Variants in BICD1 observed in about 807,000 individuals in gnomAD.
BICD1 encodes BICD cargo adaptor 1, also known as protein bicaudal D homolog 1.
BICD1 carries 35 observed loss-of-function variants against 92.5 expected under a neutral mutation model. The observed-to-expected ratio is 0.38, with a 90% CI of 0.29 to 0.50. BICD1 has a LOEUF of 0.50. Among genes scored for constraint, BICD1 ranks in the 20% least tolerant of loss-of-function variants. The pLI is 0.93. For missense variants in BICD1, 950 were observed against 1,189.8 expected, an observed-to-expected ratio of 0.80 and a Z score of 2.97; for synonymous variants, 429 against 465.1, an observed-to-expected ratio of 0.92 and a Z score of 1.00.
chr12:32,306,860 C>G (rs1429567904), intron 4 of BICD1, among the ~76,000 whole-genome samples: 1 of 149,234 alleles, frequency 6.7e-6, no homozygotes, highest in Non-Finnish European at 1.5e-5. Context: ...ACTAAAAATA[C>G]AAAAAATTAG....
At chr12:32,114,719 A>C (rs1941827465) in intron 1 of BICD1, among the ~76,000 whole-genome samples, 1 of 152,182 alleles carries the variant, frequency 6.6e-6, no homozygotes, top group African/African-American at 2.4e-5. Flanking sequence ...TATTTTATAG[A>C]AGCCTAATTT....
chr12:32,234,643 A>T (rs1285939331), intron 2 of BICD1, among the ~76,000 whole-genome samples: 2 of 150,104 alleles, frequency 1.3e-5, no homozygotes, highest in Non-Finnish European at 3.0e-5. Flanking sequence ...AAGCAGAATT[A>T]TAACTAAACA....
intron 9 of BICD1, 48 bp from the exon 10 acceptor site, chr12:32,377,492 G>C: frequency 2.1e-6 from 3 of 1,460,326 alleles, no homozygotes; most frequent in Non-Finnish European, 2.9e-6. Context: ...ATTGTGCCTG[G>C]CCCTTTGAAA....
rs932373460 is a variant in BICD1 at position 32,327,543 on chromosome 12, A to C, written c.1088A>C (p.Glu363Ala). 6.2e-7 allele frequency: 1 copy of C among 1,614,176 alleles called. No homozygotes were observed. The highest frequency in any genetic ancestry group is 1.3e-5 in the African/African-American group (1 of 75,044). ...GAACACACCAAGGGGGCACTGACGG[A>C]GCAGCATGAGCGGGTGCACCGGCTC... is the stretch of plus-strand genomic sequence containing the variant. Reference protein sequence around the residue: ...QLEHTKGALTEQHERVHRLTE... With the variant: ...QLEHTKGALTAQHERVHRLTE... Residue 363 changes from glutamate to alanine, a missense_variant, in exon 5 of 10, where the codon GAG becomes GCG. Physicochemically the swap from Glu to Ala is moderately radical, Grantham distance 107 (BLOSUM62 -1). Transcript: ENST00000652176.
chr12:32,273,727 G>T (rs1947202744), intron 2 of BICD1, among the ~76,000 whole-genome samples: 1 of 152,162 alleles, frequency 6.6e-6, no homozygotes, highest in Admixed American at 6.5e-5. Flanking sequence ...TTTCTCCTTA[G>T]TTCAGCTAAA....
intron 1 of BICD1, among the ~76,000 whole-genome samples, chr12:32,194,894 T>C (rs116084922): frequency 0.075 from 11,244 of 149,810 alleles, 515 homozygotes; most frequent in South Asian, 0.18. Context: ...AAAAATAAAA[T>C]AAAACAAAAT....
intron 2 of BICD1, among the ~76,000 whole-genome samples, chr12:32,234,335 C>T (rs1015972201): frequency 3.9e-5 from 6 of 152,044 alleles, no homozygotes; most frequent in South Asian, 2.1e-4. Flanking sequence ...TGGTGGCTCA[C>T]GCCTGTAATC....
At chr12:32,207,550 CTT>C (rs966269933) in intron 1 of BICD1, among the ~76,000 whole-genome samples, 4 of 151,940 alleles carry the variant, frequency 2.6e-5, no homozygotes, top group South Asian at 2.1e-4. Context: ...AAATGCATGT[CTT>C]TTGTTTTTAT....
At chr12:32,336,142 T>G (rs752992205) in intron 6 of BICD1, among the ~76,000 whole-genome samples, 5 of 152,226 alleles carry the variant, frequency 3.3e-5, no homozygotes, top group Non-Finnish European at 7.3e-5. Context: ...AAAAAGGAAT[T>G]GTTATCCCCA....
At chr12:32,325,698 A>G (rs1250126744) in intron 4 of BICD1, among the ~76,000 whole-genome samples, 2 of 152,138 alleles carry the variant, frequency 1.3e-5, no homozygotes, top group Non-Finnish European at 2.9e-5. Flanking sequence ...AATATTTATT[A>G]TATCTAATTA....
intron 2 of BICD1, among the ~76,000 whole-genome samples, chr12:32,283,389 T>TCCACTCCACTCCACTCCACA (rs1947472452): frequency 6.6e-6 from 1 of 151,876 alleles, no homozygotes; most frequent in African/African-American, 2.4e-5. Flanking sequence ...TCCACTCCAC[T>TCCACTCCACTCCACTCCACA]CCACTGCCTC....
intron 8 of BICD1, among the ~76,000 whole-genome samples, chr12:32,342,204 G>GTGTGTATATATATATATA (rs375823999): frequency 8.4e-6 from 1 of 119,310 alleles, no homozygotes; most frequent in African/African-American, 3.2e-5. Context: ...GTGTGTGTGT[G>GTGTGTATATATATATATA]TATATATATA....
intron 1 of BICD1, among the ~76,000 whole-genome samples, chr12:32,202,765 C>T (rs58186216): frequency 0.036 from 5,409 of 152,152 alleles, 320 homozygotes; most frequent in African/African-American, 0.12. Flanking sequence ...TGTGCACCAC[C>T]ATGCCTGTCT....
chr12:32,317,076 T>C (rs1289009410), intron 4 of BICD1, among the ~76,000 whole-genome samples: 15 of 152,360 alleles, frequency 9.8e-5, no homozygotes, highest in African/African-American at 3.4e-4. Context: ...ATGGTGTATA[T>C]GTGCCACATT....
chr12:32,342,976 C>T lies in BICD1; in HGVS notation c.2764+3997C>T, dbSNP rs147679851. Among the ~76,000 whole-genome samples the T allele has an allele frequency of 3.4e-3, 523 of 152,290 alleles. 2 individuals are homozygous for T. The highest frequency in any genetic ancestry group is 6.8e-3 in the Middle Eastern group (2 of 294). ...ACAACCTTTTAAGGGAAAATTCTGGCGTTTCCCTCTGGCTGGCTCAGCTTC... is the reference window on the plus strand; with the variant it reads ...ACAACCTTTTAAGGGAAAATTCTGGTGTTTCCCTCTGGCTGGCTCAGCTTC... On this transcript the variant is annotated intron_variant, in intron 8 of 9. Coordinates refer to ENST00000652176, the MANE Select transcript of BICD1 (RefSeq NM_001714.4).
At chr12:32,372,894 T>A (rs1939792572) in intron 9 of BICD1, among the ~76,000 whole-genome samples, 1 of 152,098 alleles carries the variant, frequency 6.6e-6, no homozygotes, top group South Asian at 2.1e-4. Flanking sequence ...AGAAAAAAAG[T>A]AGAACTTTTC....
chr12:32,243,406 G>A (rs79910860), intron 2 of BICD1, among the ~76,000 whole-genome samples: 6,999 of 151,528 alleles, frequency 0.046, 210 homozygotes, highest in Middle Eastern at 0.11. Flanking sequence ...GAGCAACTGC[G>A]TCTGGCCAGG....
chr12:32,369,634 G>A (rs2136334309), intron 9 of BICD1, among the ~76,000 whole-genome samples: 2 of 152,366 alleles, frequency 1.3e-5, no homozygotes, highest in East Asian at 1.9e-4. Context: ...GCTTACGCCT[G>A]TAATCCCAGC....
At chr12:32,181,582 C>G (rs1944274467) in intron 1 of BICD1, among the ~76,000 whole-genome samples, 1 of 151,738 alleles carries the variant, frequency 6.6e-6, no homozygotes, top group Admixed American at 6.6e-5. Flanking sequence ...TCATTTTATG[C>G]ATATAAATGC....
Sources: allele counts gnomAD v4.1 joint callset (sites outside exome capture counted in the v4.1 genomes callset), GRCh38; gene constraint gnomAD v4.1.1; transcripts MANE v1.5; gene names NCBI Gene and HGNC (gene_info 2026-07-23, HGNC 2026-07-21).